The following ZC3H12B variants were observed in gnomAD, a reference collection of about 807,000 sequenced individuals.
The protein encoded by ZC3H12B is zinc finger CCCH-type containing 12B.
A neutral mutation model predicts 43.9 loss-of-function variants in ZC3H12B; 7 were observed. The observed-to-expected ratio is 0.16, with a 90% CI of 0.09 to 0.30. The LOEUF (loss-of-function observed/expected upper bound fraction) is 0.30. Among genes scored for constraint, ZC3H12B ranks in the 10% least tolerant of loss-of-function variants. The probability of loss-of-function intolerance (pLI) is 1.00; values close to 1 mark genes in which losing one functional copy is unlikely to be tolerated. For missense variants in ZC3H12B, 475 were observed against 670.2 expected (o/e 0.71, Z 3.22); for synonymous variants, 222 against 241.7 (o/e 0.92, Z 0.76).
At chrX:65,202,649 A>G in the ZC3H12B span, among the ~76,000 whole-genome samples, 1 of 111,355 alleles carries the variant, frequency 9.0e-6, no homozygotes, top group East Asian at 2.9e-4. Flanking sequence ...GGGTGGCACA[A>G]GCACTCCTGT....
intron 2 of ZC3H12B, among the ~76,000 whole-genome samples, chrX:65,373,890 T>G (rs1400548837): frequency 1.7e-3 from 1 of 589 alleles, no homozygotes; most frequent in Non-Finnish European, 3.4e-3. Flanking sequence ...ACTTAAAGTA[T>G]AGTAATATAT....
chrX:65,329,162 C>T, the ZC3H12B span, among the ~76,000 whole-genome samples: 2 of 111,502 alleles, frequency 1.8e-5, no homozygotes, highest in Non-Finnish European at 3.8e-5. Flanking sequence ...TACAGTCCCA[C>T]CAACAGTGTA....
chrX:65,188,218 A>T, the ZC3H12B span, among the ~76,000 whole-genome samples: 62 of 111,486 alleles, frequency 5.6e-4, no homozygotes, highest in Middle Eastern at 4.6e-3. Context: ...GTTGATGGAC[A>T]CTTAGGTTGC....
intron 2 of ZC3H12B, among the ~76,000 whole-genome samples, chrX:65,396,450 T>A (rs929907736): frequency 1.8e-5 from 2 of 112,396 alleles, no homozygotes; most frequent in Admixed American, 1.9e-4. Flanking sequence ...CCAGTAGTCA[T>A]TCAGAAGCAG....
At chrX:65,192,117 G>T in the ZC3H12B span, among the ~76,000 whole-genome samples, 18 of 109,552 alleles carry the variant, frequency 1.6e-4, no homozygotes, top group Non-Finnish European at 2.5e-4. Context: ...GGCTTTGAGT[G>T]AGATTCTTAA....
the ZC3H12B span, among the ~76,000 whole-genome samples, chrX:65,206,728 C>T: frequency 3.6e-5 from 4 of 111,160 alleles, no homozygotes; most frequent in South Asian, 1.1e-3. Context: ...ACAGACAACC[C>T]GCAGAGTGGG....
chrX:65,413,874 A>T (rs2066931697), intron 3 of ZC3H12B, among the ~76,000 whole-genome samples: 1 of 112,182 alleles, frequency 8.9e-6, no homozygotes, highest in African/African-American at 3.2e-5. Flanking sequence ...AGATCACTTT[A>T]GGTGAGTATT....
At chrX:65,189,131 A>C in the ZC3H12B span, among the ~76,000 whole-genome samples, 2 of 105,022 alleles carry the variant, frequency 1.9e-5, no homozygotes, top group Non-Finnish European at 3.9e-5. Flanking sequence ...TGAACTCATC[A>C]TTTTTTATGA....
the ZC3H12B span, among the ~76,000 whole-genome samples, chrX:65,063,704 A>G: frequency 9.0e-6 from 1 of 111,649 alleles, no homozygotes; most frequent in Non-Finnish European, 1.9e-5. Flanking sequence ...CTCTTTTTCT[A>G]TTGTTTTGAG....
At chrX:65,299,735 A>T in the ZC3H12B span, among the ~76,000 whole-genome samples, 1 of 112,405 alleles carries the variant, frequency 8.9e-6, no homozygotes, top group Non-Finnish European at 1.9e-5. Flanking sequence ...TTGCTCCAAG[A>T]ACTACTTCGG....
chrX:65,330,038 T>C, the ZC3H12B span, among the ~76,000 whole-genome samples: 124 of 111,936 alleles, frequency 1.1e-3, 2 homozygotes, highest in African/African-American at 3.9e-3. Context: ...GCGGGCTCTT[T>C]TTTGGTTCCA....
At chrX:65,425,244 C>A (rs1168994742) in intron 3 of ZC3H12B, among the ~76,000 whole-genome samples, 1 of 110,794 alleles carries the variant, frequency 9.0e-6, no homozygotes, top group Non-Finnish European at 1.9e-5. Context: ...AATGGGAATT[C>A]ATTCATGATT....
At chrX:65,228,404 A>C in the ZC3H12B span, among the ~76,000 whole-genome samples, 1 of 111,662 alleles carries the variant, frequency 9.0e-6, no homozygotes, top group African/African-American at 3.3e-5. Context: ...AGAGCTATCT[A>C]TGAAAAACCC....
chrX:65,349,202 A>T, the ZC3H12B span, among the ~76,000 whole-genome samples: 6 of 112,318 alleles, frequency 5.3e-5, no homozygotes, highest in South Asian at 2.2e-3. Context: ...AGAACTCAGG[A>T]TCAAGAAACT....
At chrX:65,279,884 A>C in the ZC3H12B span, among the ~76,000 whole-genome samples, 1 of 112,198 alleles carries the variant, frequency 8.9e-6, no homozygotes, top group African/African-American at 3.2e-5. Context: ...AGAGAAAAAC[A>C]AACAACCCCA....
exon 5 of ZC3H12B, chrX:65,502,519 T>C (rs1426985812): frequency 8.3e-7 from 1 of 1,208,874 alleles, no homozygotes; most frequent in Non-Finnish European, 1.1e-6. Context: ...CTGTAGCTGA[T>C]ACCCATCCTG....
the ZC3H12B span, among the ~76,000 whole-genome samples, chrX:65,281,577 G>A: frequency 8.9e-6 from 1 of 112,141 alleles, no homozygotes; most frequent in Non-Finnish European, 1.9e-5. Flanking sequence ...CTTAGGGAAA[G>A]GACAGTGTCT....
At chrX:65,251,858 A>T in the ZC3H12B span, among the ~76,000 whole-genome samples, 10 of 111,374 alleles carry the variant, frequency 9.0e-5, no homozygotes, top group Non-Finnish European at 1.7e-4. Context: ...GGTTTTCTAG[A>T]TATACAATCA....
the ZC3H12B span, among the ~76,000 whole-genome samples, chrX:65,253,296 C>T: frequency 1.8e-5 from 2 of 112,332 alleles, no homozygotes; most frequent in African/African-American, 6.5e-5. Context: ...TCCTGGTCCC[C>T]AACAACTCCT....
Sources: gnomAD v4.1 joint callset for allele counts (sites outside exome capture counted in the v4.1 genomes callset) on GRCh38, gnomAD v4.1.1 for gene constraint, MANE v1.5 for transcripts, NCBI Gene and HGNC (gene_info 2026-07-23, HGNC 2026-07-21) for gene names.